Variants in VAV2 observed in about 807,000 individuals in gnomAD.
VAV2 encodes the protein guanine nucleotide exchange factor VAV2.
Under a neutral mutation model 132.5 loss-of-function variants are expected in VAV2, and 67 were observed. The ratio of observed to expected loss-of-function variants is 0.51; its 90% CI spans 0.42 to 0.62. The LOEUF is 0.62. Ranked by LOEUF, VAV2 falls within the 20% of genes least tolerant of loss-of-function variation. VAV2 has a pLI of 0.00. For missense variants in VAV2, 938 were observed against 1,153.6 expected (o/e 0.81, Z 2.71); for synonymous variants, 492 against 443.5 (o/e 1.11, Z -1.37).
rs146833384 is a variant in VAV2 at position 133,875,531 on chromosome 9, G to A, written c.322-14099C>T. ...GAAGTGAGGGCTGCCTGGAGGAGGC[G>A]CAGGCCTATGATAAAGTAGCAAAGA... On this transcript the variant is annotated intron_variant, in intron 2 of 29. Coordinates refer to ENST00000371850, the MANE Select transcript of VAV2 (RefSeq NM_001134398.2). Among the ~76,000 whole-genome samples, 1,517 of 152,316 alleles carry A rather than the reference G, an allele frequency of 1.0e-2. 34 individuals carry two copies. The highest frequency in any genetic ancestry group is 0.054 in the Admixed American group (827 of 15,304).
intron 17 of VAV2, 67 bp from the exon 18 acceptor site, chr9:133,784,485 C>G (rs994089172): frequency 1.3e-6 from 2 of 1,564,120 alleles, no homozygotes; most frequent in African/African-American, 2.7e-5. Flanking sequence ...ATGTGGCCAT[C>G]CTGGGAACCA....
At chr9:133,977,579 A>C (rs1216578775) in intron 1 of VAV2, among the ~76,000 whole-genome samples, 1 of 152,120 alleles carries the variant, frequency 6.6e-6, no homozygotes, top group Admixed American at 6.5e-5. Context: ...TCACTTACCC[A>C]GGCAAATGAC....
chr9:133,818,003 G>C (rs537058593), intron 4 of VAV2, among the ~76,000 whole-genome samples: 3 of 152,256 alleles, frequency 2.0e-5, no homozygotes, highest in African/African-American at 7.2e-5. Flanking sequence ...AGAAGACCAA[G>C]TAAAGATTTA....
intron 3 of VAV2, among the ~76,000 whole-genome samples, chr9:133,859,583 A>T (rs1837516171): frequency 6.6e-6 from 1 of 152,056 alleles, no homozygotes; most frequent in Non-Finnish European, 1.5e-5. Flanking sequence ...AAAATGACTG[A>T]TTTTTTGTTG....
In VAV2 at chr9:133,812,146, C is replaced by T. The variant is rs1407871213; in HGVS notation, c.520G>A (p.Asp174Asn). The change falls in exon 5 of 30, where the codon GAC (aspartate) becomes AAC (asparagine). Residue 174 changes from aspartate (D) to asparagine (N), a missense_variant. Transcript: ENST00000371850. ...TGCTGCACCTCCACCTTGATGATGT[C>T]CTCGTAGATGTCGTCCCCTCCATCC... ...CEDGGDDIYEDIIKVEVQQPM... is the reference protein window; with the variant it reads ...CEDGGDDIYENIIKVEVQQPM... 2.5e-6 allele frequency: 4 copies of T among 1,613,990 alleles called. No individual in the cohort carries two copies. Among genetic ancestry groups the T allele is most frequent in the Non-Finnish European group, 3.4e-6 (4 of 1,180,016 alleles).
rs1458000380 is a variant in VAV2, at chr9:133,863,386, C to T, written c.322-1954G>A. ...TGACACACAAGAACCTGTTTGTCAACCTGGAGTCAGCGCAAAGGCCCCAGG... is the reference window on the plus strand; with the variant it reads ...TGACACACAAGAACCTGTTTGTCAATCTGGAGTCAGCGCAAAGGCCCCAGG... On this transcript the variant is annotated intron_variant, in intron 2 of 29. Transcript: ENST00000371850. This position sits in a 1 kb window ranked among gnomAD's most constrained non-coding sequence, Gnocchi z 5.0. Among the ~76,000 whole-genome samples the T allele has an allele frequency of 1.3e-5, 2 of 152,198 alleles. No homozygotes were observed. The highest frequency in any genetic ancestry group is 3.9e-4 in the East Asian group (2 of 5,184).
chr9:133,942,292 C>T (rs972549579), intron 1 of VAV2, among the ~76,000 whole-genome samples: 6 of 152,356 alleles, frequency 3.9e-5, no homozygotes, highest in East Asian at 1.9e-4. Flanking sequence ...GGGTGGCCAC[C>T]GTTGCCAGAA....
At position 133,791,877 on chromosome 9, in the gene VAV2, A is replaced by G; in HGVS notation, c.1102-8T>C. The G allele has an allele frequency of 6.4e-7, 1 of 1,574,622 alleles. No homozygotes were observed. The highest frequency in any genetic ancestry group is 8.6e-7 in the Non-Finnish European group (1 of 1,162,350). On this transcript the variant is annotated splice_region_variant and splice_polypyrimidine_tract_variant and intron_variant, in intron 12 of 29. Transcript: ENST00000371850. ...GATGTACATCGCCAAGTCCTTGAAA[A>G]CAAGAGGCAGAGGTGAGCGGGCTGT... is the stretch of plus-strand genomic sequence containing the variant.
intron 9 of VAV2, among the ~76,000 whole-genome samples, chr9:133,801,450 C>A (rs1834926185): frequency 6.6e-6 from 1 of 152,196 alleles, no homozygotes; most frequent in Admixed American, 6.5e-5. Flanking sequence ...GCCCTCAGGG[C>A]CCCAGGGTGA....
intron 2 of VAV2, among the ~76,000 whole-genome samples, chr9:133,897,187 T>A (rs894190831): frequency 2.0e-5 from 3 of 152,158 alleles, no homozygotes; most frequent in Non-Finnish European, 1.5e-5. Flanking sequence ...TGGTTATTGC[T>A]GAAGGACGCG....
At chr9:133,778,004 C>T (rs902827805) in intron 22 of VAV2, among the ~76,000 whole-genome samples, 1 of 152,172 alleles carries the variant, frequency 6.6e-6, no homozygotes, top group Non-Finnish European at 1.5e-5. Context: ...GGTCTTGGGG[C>T]TCCCTTGAGC....
chr9:133,814,785 G>T (rs1034308840), intron 4 of VAV2, among the ~76,000 whole-genome samples: 8 of 152,084 alleles, frequency 5.3e-5, no homozygotes, highest in Non-Finnish European at 1.2e-4. Context: ...ACCAGAACCG[G>T]TTGCTGACGA....
intron 2 of VAV2, among the ~76,000 whole-genome samples, chr9:133,880,997 C>T (rs1013379009): frequency 1.3e-5 from 2 of 152,172 alleles, no homozygotes; most frequent in Non-Finnish European, 2.9e-5. Context: ...GTCAGGTGCT[C>T]CCGGGGGCAG....
rs903306739 is a variant in VAV2, at chr9:133,991,400, G to A, written c.204+675C>T. Among the ~76,000 whole-genome samples, 3 of 152,128 alleles carry A rather than the reference G, an allele frequency of 2.0e-5. No homozygotes were observed. Among genetic ancestry groups the A allele is most frequent in the African/African-American group, 7.2e-5 (3 of 41,394 alleles). On this transcript the variant is annotated intron_variant, in intron 1 of 29. Transcript: ENST00000371850. This position sits in a 1 kb window ranked among gnomAD's most constrained non-coding sequence, Gnocchi z 4.8. ...CAAAGGCCACACTCAGCGCCCGAAG[G>A]AGGGGTGGGGGTGTTGGGAAAGCGA...
chr9:133,778,627 G>C, intron 22 of VAV2, 135 bp downstream of exon 22: 1 of 1,356,372 alleles, frequency 7.4e-7, no homozygotes, highest in Non-Finnish European at 9.8e-7. Context: ...TAGGCCCCCT[G>C]TGCCTCCTCC....
At chr9:133,953,179 T>A (rs4058722) in intron 1 of VAV2, among the ~76,000 whole-genome samples, 1 of 152,358 alleles carries the variant, frequency 6.6e-6, no homozygotes, top group East Asian at 1.9e-4. Context: ...ACAGCCCTGC[T>A]GACACCTTGG....
intron 1 of VAV2, among the ~76,000 whole-genome samples, chr9:133,964,031 A>ATATATATG (rs1842053390): frequency 1.1e-5 from 1 of 95,004 alleles, no homozygotes; most frequent in Non-Finnish European, 2.4e-5. Flanking sequence ...TCATATATAT[A>ATATATATG]TATATATATA....
chr9:133,982,531 C>T (rs565392499), intron 1 of VAV2, among the ~76,000 whole-genome samples: 1 of 151,864 alleles, frequency 6.6e-6, no homozygotes, highest in South Asian at 2.1e-4. Context: ...CAGGAGGCCA[C>T]AAGAGGGGAC....
At chr9:133,934,096 GGATGGATGGATGATGGATA>G (rs1420923302) in intron 2 of VAV2, among the ~76,000 whole-genome samples, 4 of 151,920 alleles carry the variant, frequency 2.6e-5, no homozygotes, top group African/African-American at 4.8e-5. Flanking sequence ...ATGAATGGCT[GGATGGATGGATGATGGATA>G]GATGGATGGA....
Sources: allele counts gnomAD v4.1 joint callset (sites outside exome capture counted in the v4.1 genomes callset), GRCh38; gene constraint gnomAD v4.1.1; non-coding constraint Gnocchi (gnomAD v3.1); transcripts MANE v1.5; gene names NCBI Gene and HGNC (gene_info 2026-07-23, HGNC 2026-07-21).